Variants in VIPR2 observed in about 807,000 individuals in gnomAD.
VIPR2 encodes the protein vasoactive intestinal peptide receptor 2.
In VIPR2, 48 loss-of-function variants were observed where a neutral mutation model predicts 58.0. The ratio of observed to expected loss-of-function variants is 0.83; its 90% CI spans 0.66 to 1.05. The LOEUF is 1.05. Among genes scored for constraint, VIPR2 ranks in the 50% least tolerant of loss-of-function variants. The pLI is 0.00. For synonymous variants in VIPR2, 243 were observed against 235.2 expected, an observed-to-expected ratio of 1.03 and a Z score of -0.30; for missense variants, 534 against 558.0, an observed-to-expected ratio of 0.96 and a Z score of 0.43.
intron 4 of VIPR2, among the ~76,000 whole-genome samples, chr7:159,079,169 C>A (rs1245941656): frequency 6.6e-6 from 1 of 152,168 alleles, no homozygotes; most frequent in East Asian, 1.9e-4. Context: ...TTCGCCCCAA[C>A]CACGGCTCCA....
chr7:159,096,769 C>A lies in VIPR2; in HGVS notation c.357+6988G>T. Reference sequence around the variant, plus strand: ...ATTTCTGCCTGTGGCCAGATTTCTGCCCCTGCCTGAGGTCAGTCTCGTGGC... The same window carrying A: ...ATTTCTGCCTGTGGCCAGATTTCTGACCCTGCCTGAGGTCAGTCTCGTGGC... On this transcript the variant is annotated intron_variant, in intron 4 of 12. Transcript: ENST00000262178. The surrounding 1 kb of genome is among the most constrained non-coding windows in gnomAD (Gnocchi z 5.5). 7.1e-7 allele frequency: 1 copy of A among 1,406,554 alleles called. No individual in the cohort carries two copies. The allele number at this position is 1,406,554 out of a possible 1,614,324, so 87.1% of individuals were successfully genotyped here.
intron 2 of VIPR2, among the ~76,000 whole-genome samples, chr7:159,139,818 C>T (rs368691789): frequency 2.0e-5 from 3 of 152,372 alleles, no homozygotes; most frequent in South Asian, 4.1e-4. Context: ...CAGCCTGTGC[C>T]TAGGCAGGAA....
chr7:159,108,955 G>A (rs1015092570), intron 3 of VIPR2, among the ~76,000 whole-genome samples: 1 of 152,126 alleles, frequency 6.6e-6, no homozygotes, highest in African/African-American at 2.4e-5. Context: ...GGCAACTCGG[G>A]GTGAGAAAGT....
chr7:159,144,275 G>T (rs1272494319), intron 1 of VIPR2: 2 of 1,339,574 alleles, frequency 1.5e-6, no homozygotes, highest in Non-Finnish European at 9.6e-7. Context: ...CCGACGCCAC[G>T]TCCCCCCGAC....
intron 1 of VIPR2, among the ~76,000 whole-genome samples, 194 bp from the exon 2 acceptor site, chr7:159,142,739 T>C (rs546380382): frequency 3.2e-4 from 48 of 149,998 alleles, no homozygotes; most frequent in Middle Eastern, 6.8e-3. Context: ...AAAGGTATTA[T>C]AAAACAAACA....
chr7:159,046,190 T>C (rs756865770), intron 5 of VIPR2, among the ~76,000 whole-genome samples: 1 of 152,190 alleles, frequency 6.6e-6, no homozygotes, highest in South Asian at 2.1e-4. Context: ...AGAATTACAA[T>C]ATGCCCCAGA....
At chr7:159,066,069 C>T (rs1056464545) in intron 4 of VIPR2, among the ~76,000 whole-genome samples, 1 of 152,262 alleles carries the variant, frequency 6.6e-6, no homozygotes, top group African/African-American at 2.4e-5. Context: ...CCGCAGCGTC[C>T]GCGGGATTCC....
chr7:159,115,926 T>A (rs1256227792), intron 2 of VIPR2, among the ~76,000 whole-genome samples: 1 of 150,932 alleles, frequency 6.6e-6, no homozygotes, highest in African/African-American at 2.5e-5. Flanking sequence ...TTAGGCTGCG[T>A]TTAGCTAAGT....
chr7:159,048,822 C>G (rs142973156), intron 5 of VIPR2, among the ~76,000 whole-genome samples: 3 of 152,266 alleles, frequency 2.0e-5, no homozygotes, highest in Non-Finnish European at 2.9e-5. Flanking sequence ...TCAAACTCCT[C>G]CACAGCCAGC....
chr7:159,116,258 A>G (rs1419901735), intron 2 of VIPR2, among the ~76,000 whole-genome samples: 1 of 152,208 alleles, frequency 6.6e-6, no homozygotes, highest in Non-Finnish European at 1.5e-5. Context: ...GGAGCCAACT[A>G]CTAATTTTGA....
At chr7:159,131,264 A>C (rs973217383) in intron 2 of VIPR2, among the ~76,000 whole-genome samples, 2 of 152,162 alleles carry the variant, frequency 1.3e-5, no homozygotes, top group African/African-American at 4.8e-5. Context: ...GTAAAGGCAA[A>C]CAGAAAACTC....
chr7:159,092,595 C>T (rs1157077266), intron 4 of VIPR2, among the ~76,000 whole-genome samples: 1 of 152,044 alleles, frequency 6.6e-6, no homozygotes, highest in Non-Finnish European at 1.5e-5. Context: ...AAATAACCTC[C>T]TTCCATGGGC....
At chr7:159,105,581 G>C (rs1245759511) in intron 3 of VIPR2, among the ~76,000 whole-genome samples, 1 of 152,094 alleles carries the variant, frequency 6.6e-6, no homozygotes, top group Non-Finnish European at 1.5e-5. Context: ...TGGGAGACTG[G>C]TCTCAGCAAG....
intron 5 of VIPR2, among the ~76,000 whole-genome samples, chr7:159,051,368 A>G (rs1463063638): frequency 6.6e-6 from 1 of 152,214 alleles, no homozygotes; most frequent in African/African-American, 2.4e-5. Context: ...TGAGAAAAGG[A>G]TGCCTATTGT....
rs1273688503 is a variant in VIPR2 at position 159,090,516 on chromosome 7, A to G, written c.357+13241T>C. On this transcript the variant is annotated intron_variant, in intron 4 of 12. Coordinates refer to ENST00000262178, the MANE Select transcript of VIPR2 (RefSeq NM_003382.5). ...GGGGCCACCTCCTGCGACCATTGCA[A>G]TCCCCGGTGACCTCAGCACAGACAC... Among the ~76,000 whole-genome samples, 10 of 81,900 alleles carry G rather than the reference A, an allele frequency of 1.2e-4. 1 individual carries two copies. The highest frequency in any genetic ancestry group is 1.1e-3 in the Admixed American group (10 of 8,822). The allele number at this position is 81,900 out of a possible 152,430, so 53.7% of individuals were successfully genotyped here.
At chr7:159,042,943 C>G in intron 6 of VIPR2, 92 bp downstream of exon 6, 1 of 1,487,214 alleles carries the variant, frequency 6.7e-7, no homozygotes, top group Non-Finnish European at 9.0e-7. Flanking sequence ...TGACAGGAAC[C>G]CTGCACCAGC....
intron 2 of VIPR2, among the ~76,000 whole-genome samples, chr7:159,132,957 GACAGAATGATTGGCATACCGATTGATTTT>G (rs1396122188): frequency 2.7e-5 from 4 of 147,784 alleles, no homozygotes; most frequent in Non-Finnish European, 4.5e-5. Flanking sequence ...ATTGATTTCA[GACAGAATGATTGGCATACCGATTGATTTT>G]AGACAGAATG....
Position 159,058,577 on chromosome 7 carries a change from A to G in VIPR2, c.359T>C (p.Ile120Thr). The stretch of plus-strand genomic sequence containing the variant: ...GGCCTTCACCAGAATATAAAACGTG[A>G]TCTACAAAGAAAGAAAACAGATCTG... ...GYSDPEDESK[I>T]TFYILVKAIY... Residue 120 changes from isoleucine (I) to threonine (T), a missense_variant and splice_region_variant, in exon 5 of 13, where the codon ATC (isoleucine) becomes ACC (threonine). This residue lies in a region of VIPR2 where 224 missense variants were observed against 255.7 expected (regional missense o/e 0.88). Coordinates refer to ENST00000262178, the MANE Select transcript of VIPR2 (RefSeq NM_003382.5). 1 of 1,603,724 alleles carries G rather than the reference A, an allele frequency of 6.2e-7. No individual in the cohort carries two copies. Among genetic ancestry groups the G allele is most frequent in the Non-Finnish European group, 8.5e-7 (1 of 1,170,788 alleles).
chr7:159,100,568 C>A (rs747614332), intron 4 of VIPR2, among the ~76,000 whole-genome samples: 17 of 152,278 alleles, frequency 1.1e-4, no homozygotes, highest in Non-Finnish European at 2.4e-4. Context: ...ACCTTATCCA[C>A]TAGCCACGTG....
Sources: gnomAD v4.1 joint callset for allele counts (sites outside exome capture counted in the v4.1 genomes callset) on GRCh38, gnomAD v4.1.1 for gene constraint, gnomAD v4.1.1 regional missense constraint, Gnocchi (gnomAD v3.1) non-coding constraint, MANE v1.5 for transcripts, NCBI Gene and HGNC (gene_info 2026-07-23, HGNC 2026-07-21) for gene names.